Variants in SHROOM4 observed in about 807,000 individuals in gnomAD.
SHROOM4 encodes protein Shroom4.
In SHROOM4, 17 loss-of-function variants were observed where a neutral mutation model predicts 80.3. The observed-to-expected ratio is 0.21, with a 90% CI of 0.14 to 0.32. The LOEUF is 0.32. Ranked by LOEUF, SHROOM4 falls within the 10% of genes least tolerant of loss-of-function variation. The pLI is 1.00. For synonymous variants in SHROOM4, 400 were observed against 437.5 expected, an observed-to-expected ratio of 0.91 and a Z score of 1.07; for missense variants, 993 against 1,140.3, an observed-to-expected ratio of 0.87 and a Z score of 1.86.
At chrX:50,726,124 A>G (rs1934238249) in intron 1 of SHROOM4, among the ~76,000 whole-genome samples, 1 of 112,085 alleles carries the variant, frequency 8.9e-6, no homozygotes, top group Non-Finnish European at 1.9e-5. Context: ...CCTGCCCTAG[A>G]GGTCTGTGGA....
intron 2 of SHROOM4, among the ~76,000 whole-genome samples, chrX:50,648,359 G>A (rs782181472): frequency 5.5e-4 from 61 of 111,694 alleles, no homozygotes; most frequent in African/African-American, 1.8e-3. Flanking sequence ...GTCATTAGGG[G>A]CTCTAAAAAG....
chrX:50,791,102 A>G (rs1000618318), intron 1 of SHROOM4, among the ~76,000 whole-genome samples: 2 of 111,459 alleles, frequency 1.8e-5, no homozygotes, highest in Non-Finnish European at 3.8e-5. Flanking sequence ...TAGAACTAAT[A>G]AATCCAGTAA....
In SHROOM4 at chrX:50,596,670, A is replaced by T; in HGVS notation, c.*25T>A. 8.3e-7 allele frequency: 1 copy of T among 1,206,730 alleles called. No individual in the cohort carries two copies. The highest frequency in any genetic ancestry group is 1.1e-6 in the Non-Finnish European group (1 of 895,274). ...GCACTTCCCACATGGCTGGGCAGGGATGCTGTGGCAGAGTGCTGGTAGAAT... is the reference window on the plus strand; with the variant it reads ...GCACTTCCCACATGGCTGGGCAGGGTTGCTGTGGCAGAGTGCTGGTAGAAT... On this transcript the variant is annotated 3_prime_UTR_variant, in exon 9 of 9. Transcript: ENST00000376020.
chrX:50,612,046 AAAAC>A (rs1367611673), intron 5 of SHROOM4, among the ~76,000 whole-genome samples: 1 of 111,792 alleles, frequency 8.9e-6, no homozygotes, highest in Admixed American at 9.5e-5. Context: ...AAATAAACCT[AAAAC>A]AAAGCAGAAA....
chrX:50,685,517 A>G (rs1160597382), intron 2 of SHROOM4, among the ~76,000 whole-genome samples: 1 of 112,319 alleles, frequency 8.9e-6, no homozygotes, highest in Non-Finnish European at 1.9e-5. Context: ...ATAGAATCAC[A>G]AACTTACTTT....
chrX:50,633,914 C>T lies in SHROOM4; in HGVS notation c.2159G>A (p.Gly720Glu). 8.3e-7 allele frequency: 1 copy of T among 1,211,700 alleles called. No individual in the cohort carries two copies. The highest frequency in any genetic ancestry group is 1.1e-6 in the Non-Finnish European group (1 of 895,510). Residue 720 changes from glycine to glutamate, a missense_variant, in exon 4 of 9, where the codon GGA becomes GAA. Gly to Glu is a moderately conservative substitution (Grantham distance 98, BLOSUM62 -2). Coordinates refer to ENST00000376020, the MANE Select transcript of SHROOM4 (RefSeq NM_020717.5). ...CCATCTCCAATGACCTCCACGGACT[C>T]CACAGTGAGCATGTGCTTTCTCAGG... ...SDPEKAHAHC[G>E]VRGGHWRWSP... is the part of the protein sequence containing the mutation.
intron 5 of SHROOM4, among the ~76,000 whole-genome samples, chrX:50,614,188 A>G (rs1461967946): frequency 8.0e-5 from 9 of 112,763 alleles, no homozygotes; most frequent in African/African-American, 2.9e-4. Flanking sequence ...TAAAGGTACT[A>G]GAAGAAAACA....
chrX:50,738,377 G>A (rs1934551485), intron 1 of SHROOM4, among the ~76,000 whole-genome samples: 1 of 110,920 alleles, frequency 9.0e-6, no homozygotes. Context: ...TAGGAAAACA[G>A]GAAGTCAAAT....
chrX:50,774,738 T>C (rs1935470038), intron 1 of SHROOM4, among the ~76,000 whole-genome samples: 1 of 109,493 alleles, frequency 9.1e-6, no homozygotes, highest in Non-Finnish European at 1.9e-5. Context: ...TTTACATATA[T>C]GTTCATCGAA....
At chrX:50,708,128 A>G (rs1933724131) in intron 1 of SHROOM4, among the ~76,000 whole-genome samples, 1 of 112,280 alleles carries the variant, frequency 8.9e-6, no homozygotes, top group Admixed American at 9.4e-5. Context: ...GCATCACTTT[A>G]GCATAGTTGA....
chrX:50,655,504 T>C (rs1258722973), intron 2 of SHROOM4, among the ~76,000 whole-genome samples: 1 of 106,913 alleles, frequency 9.4e-6, no homozygotes, highest in Non-Finnish European at 1.9e-5. Context: ...TATATATATA[T>C]TTCATATATT....
chrX:50,609,663 A>ATG (rs1491268565), intron 5 of SHROOM4, among the ~76,000 whole-genome samples: 1 of 27,682 alleles, frequency 3.6e-5, no homozygotes, highest in African/African-American at 6.8e-5. Flanking sequence ...AGAGTCATGG[A>ATG]TATGTGTGTG....
chrX:50,652,359 G>C (rs376931197), intron 2 of SHROOM4, among the ~76,000 whole-genome samples: 26 of 111,411 alleles, frequency 2.3e-4, no homozygotes, highest in African/African-American at 8.5e-4. Flanking sequence ...TTTCATGTTT[G>C]GCCACATAAA....
At position 50,813,160 on chromosome X, in the gene SHROOM4, T is replaced by TGGCGGCGGC. The variant is rs781798597; in HGVS notation, c.117+733_117+741dup. ...CTGGCGGCGGCGGCGGCGGCGGCAG[T>TGGCGGCGGC]GGCGGCGGCGGCGGCGGCGGCGGCG... On this transcript the variant is annotated intron_variant, in intron 1 of 8. Coordinates refer to ENST00000376020, the MANE Select transcript of SHROOM4 (RefSeq NM_020717.5). Among the ~76,000 whole-genome samples, 724 of 102,015 alleles carry TGGCGGCGGC rather than the reference T, an allele frequency of 7.1e-3. 3 individuals carry two copies. The highest frequency in any genetic ancestry group is 0.011 in the South Asian group (24 of 2,196). The allele number at this position is 102,015 out of a possible 115,157, so 88.6% of individuals were successfully genotyped here. A position where few individuals can be genotyped will look rare whatever the true frequency, so the allele number is the denominator to read the frequency against.
At chrX:50,632,169 G>A (rs1001471903) in intron 4 of SHROOM4, among the ~76,000 whole-genome samples, 7 of 111,654 alleles carry the variant, frequency 6.3e-5, no homozygotes, top group Non-Finnish European at 1.1e-4. Flanking sequence ...TCCCATTGGC[G>A]AGCAGTGTTC....
intron 4 of SHROOM4, among the ~76,000 whole-genome samples, chrX:50,630,580 A>T (rs1456261296): frequency 5.4e-5 from 6 of 111,090 alleles, no homozygotes; most frequent in African/African-American, 2.0e-4. Context: ...TTTTTTCAAC[A>T]TTATGAATAT....
At chrX:50,782,170 T>C (rs1935640675) in intron 1 of SHROOM4, among the ~76,000 whole-genome samples, 1 of 109,728 alleles carries the variant, frequency 9.1e-6, no homozygotes, top group Non-Finnish European at 1.9e-5. Flanking sequence ...ATCACGCCAC[T>C]GCACTCCAGC....
At chrX:50,794,902 GTATA>G (rs60153784) in intron 1 of SHROOM4, among the ~76,000 whole-genome samples, 5 of 92,633 alleles carry the variant, frequency 5.4e-5, no homozygotes, top group Admixed American at 1.2e-4. Flanking sequence ...GTATAAATGT[GTATA>G]TATATATATA....
chrX:50,652,232 T>G (rs1273037779), intron 2 of SHROOM4, among the ~76,000 whole-genome samples: 1 of 112,121 alleles, frequency 8.9e-6, no homozygotes, highest in Non-Finnish European at 1.9e-5. Context: ...CTCCAAATCC[T>G]CTCTAGCATC....
Sources: gnomAD v4.1 joint callset for allele counts (sites outside exome capture counted in the v4.1 genomes callset) on GRCh38, gnomAD v4.1.1 for gene constraint, MANE v1.5 for transcripts, NCBI Gene and HGNC (gene_info 2026-07-23, HGNC 2026-07-21) for gene names.